Variants in RING1 observed in about 807,000 individuals in gnomAD.
RING1 encodes ring finger protein 1, also known as E3 ubiquitin-protein ligase RING1.
RING1 carries 8 observed loss-of-function variants against 35.0 expected under a neutral mutation model. That is an observed-to-expected ratio of 0.23 (90% confidence interval 0.13 to 0.41). The LOEUF (loss-of-function observed/expected upper bound fraction) is 0.41. Ranked by LOEUF, RING1 falls within the 10% of genes least tolerant of loss-of-function variation. The probability of loss-of-function intolerance (pLI) is 1.00; values close to 1 mark genes in which losing one functional copy is unlikely to be tolerated. For synonymous variants in RING1, 214 were observed against 224.3 expected (o/e 0.95, Z 0.41); for missense variants, 343 against 546.8 (o/e 0.63, Z 3.72).
intron 6 of RING1, 111 bp downstream of exon 6, chr6:33,212,113 CTCTA>C (rs2150708699): frequency 2.1e-6 from 2 of 936,208 alleles, no homozygotes; most frequent in African/African-American, 3.3e-5. Context: ...CCTATACATC[CTCTA>C]TCTCTTTCTA....
intron 6 of RING1, 143 bp from the exon 7 acceptor site, chr6:33,212,155 G>T: frequency 1.2e-6 from 1 of 861,714 alleles, no homozygotes; most frequent in Admixed American, 2.3e-5. Context: ...CATCATCCAT[G>T]TCCTTTTTTG....
At position 33,212,438 on chromosome 6, in the gene RING1, T is replaced by C; in HGVS notation, c.*39T>C. On this transcript the variant is annotated 3_prime_UTR_variant, in exon 7 of 7. Transcript: ENST00000374656. ...CAGCCAGAGGAAGGGGACCATGGGG[T>C]ATCCCTGTGTCCTGGTCTATCACCC... is the stretch of plus-strand genomic sequence containing the variant. The C allele has an allele frequency of 1.5e-6, 2 of 1,346,102 alleles. 1 individual carries two copies. Among genetic ancestry groups the C allele is most frequent in the Non-Finnish European group, 2.1e-6 (2 of 959,252 alleles). The allele number at this position is 1,346,102 out of a possible 1,614,324, so 83.4% of individuals were successfully genotyped here. A position where few individuals can be genotyped will look rare whatever the true frequency, so the allele number is the denominator to read the frequency against.
chr6:33,208,954 A>C lies in RING1; in HGVS notation c.78+54A>C. The stretch of plus-strand genomic sequence containing the variant: ...CCCCCTCCCCCAAACCCTTATATCC[A>C]CAGACCGCATCACACAGCTTCTTTT... On this transcript the variant is annotated intron_variant, in intron 2 of 6. Transcript: ENST00000374656. This position sits in a 1 kb window ranked among gnomAD's most constrained non-coding sequence, Gnocchi z 6.2. The C allele has an allele frequency of 7.2e-7, 1 of 1,394,204 alleles. No individual in the cohort carries two copies. The highest frequency in any genetic ancestry group is 1.0e-6 in the Non-Finnish European group (1 of 993,372). 86.4% of individuals were successfully genotyped at this position (1,394,204 alleles called of 1,614,324 possible).
At position 33,208,945 on chromosome 6, in the gene RING1, CT is replaced by C; in HGVS notation, c.78+47del. On this transcript the variant is annotated intron_variant, in intron 2 of 6. Transcript: ENST00000374656. This position sits in a 1 kb window ranked among gnomAD's most constrained non-coding sequence, Gnocchi z 6.2. ...TCAGGCTTACCCCCTCCCCCAAACC[CT>C]TATATCCACAGACCGCATCACACAG... 1 of 1,470,090 alleles carries C rather than the reference CT, an allele frequency of 6.8e-7. No homozygotes were observed. Among genetic ancestry groups the C allele is most frequent in the Admixed American group, 1.8e-5 (1 of 56,714 alleles). The allele number at this position is 1,470,090 out of a possible 1,614,324, so 91.1% of individuals were successfully genotyped here.
In RING1 at chr6:33,211,787, C is replaced by A; in HGVS notation, c.904C>A (p.Arg302Ser). ...CCACCTCTCCAAGTACTTGGCCCTG[C>A]GCATTGCCCTCGAGCGGAGGCAACA... Reference protein sequence around the residue: ...VDHLSKYLALRIALERRQQQE... With the variant: ...VDHLSKYLALSIALERRQQQE... Residue 302 changes from arginine to serine, a missense_variant, in exon 6 of 7, where the codon CGC (arginine) becomes AGC (serine). By Grantham distance (110) the Arg-to-Ser change is moderately radical (BLOSUM62 -1). Coordinates refer to ENST00000374656, the MANE Select transcript of RING1 (RefSeq NM_002931.4). This position sits in a 1 kb window ranked among gnomAD's most constrained non-coding sequence, Gnocchi z 6.3. The A allele has an allele frequency of 6.3e-7, 1 of 1,593,052 alleles. No individual in the cohort carries two copies.
At position 33,212,483 on chromosome 6, in the gene RING1, T is replaced by G; in HGVS notation, c.*84T>G. 1 of 870,832 alleles carries G rather than the reference T, an allele frequency of 1.1e-6. No homozygotes were observed. Among genetic ancestry groups the G allele is most frequent in the Non-Finnish European group, 1.9e-6 (1 of 537,676 alleles). The allele number at this position is 870,832 out of a possible 1,614,324, so 53.9% of individuals were successfully genotyped here. ...TCACCCCAGCTTCTTTGTCCCCCAG[T>G]ACCCCCAGCCCAGCCAGCCAATAAG... On this transcript the variant is annotated 3_prime_UTR_variant, in exon 7 of 7. Transcript: ENST00000374656.
chr6:33,208,952 C>A lies in RING1; in HGVS notation c.78+52C>A. On this transcript the variant is annotated intron_variant, in intron 2 of 6. Coordinates refer to ENST00000374656, the MANE Select transcript of RING1 (RefSeq NM_002931.4). The surrounding 1 kb of genome is among the most constrained non-coding windows in gnomAD (Gnocchi z 6.2). ...TACCCCCTCCCCCAAACCCTTATAT[C>A]CACAGACCGCATCACACAGCTTCTT... 1.4e-6 allele frequency: 2 copies of A among 1,408,750 alleles called. No homozygotes were observed. The highest frequency in any genetic ancestry group is 2.0e-6 in the Non-Finnish European group (2 of 1,006,194). 87.3% of individuals were successfully genotyped at this position (1,408,750 alleles called of 1,614,324 possible).
chr6:33,212,455 C>G lies in RING1; in HGVS notation c.*56C>G. 8.5e-7 allele frequency: 1 copy of G among 1,177,082 alleles called. No homozygotes were observed. The highest frequency in any genetic ancestry group is 1.2e-6 in the Non-Finnish European group (1 of 809,304). 72.9% of individuals were successfully genotyped at this position (1,177,082 alleles called of 1,614,324 possible). A position where few individuals can be genotyped will look rare whatever the true frequency, so the allele number is the denominator to read the frequency against. On this transcript the variant is annotated 3_prime_UTR_variant, in exon 7 of 7. Coordinates refer to ENST00000374656, the MANE Select transcript of RING1 (RefSeq NM_002931.4). ...CCATGGGGTATCCCTGTGTCCTGGT[C>G]TATCACCCCAGCTTCTTTGTCCCCC... is the stretch of plus-strand genomic sequence containing the variant.
rs1176362379 is a variant in RING1, at chr6:33,209,190, C to G, written c.78+290C>G. 1.1e-5 allele frequency: 7 copies of G among 645,250 alleles called. No homozygotes were observed. Among genetic ancestry groups the G allele is most frequent in the Non-Finnish European group, 2.0e-5 (7 of 351,332 alleles). The allele number at this position is 645,250 out of a possible 1,614,324, so 40.0% of individuals were successfully genotyped here. A position where few individuals can be genotyped will look rare whatever the true frequency, so the allele number is the denominator to read the frequency against. Reference sequence around the variant, plus strand: ...GTCATAAGTCAGTGCACATAAGACTCACTTTGGGAGTTTATTAAAAGCAGA... The same window carrying G: ...GTCATAAGTCAGTGCACATAAGACTGACTTTGGGAGTTTATTAAAAGCAGA... On this transcript the variant is annotated intron_variant, in intron 2 of 6. Coordinates refer to ENST00000374656, the MANE Select transcript of RING1 (RefSeq NM_002931.4). The surrounding 1 kb of genome is among the most constrained non-coding windows in gnomAD (Gnocchi z 5.1).
intron 4 of RING1, among the ~76,000 whole-genome samples, 176 bp downstream of exon 4, chr6:33,210,306 A>T (rs1477562146): frequency 6.6e-6 from 1 of 152,182 alleles, no homozygotes; most frequent in East Asian, 1.9e-4. Flanking sequence ...TGCTCTTCTT[A>T]AGAAAAATAT....
rs1172748528 is a variant in RING1 at position 33,212,479 on chromosome 6, C to T, written c.*80C>T. 3 of 886,288 alleles carry T rather than the reference C, an allele frequency of 3.4e-6. No homozygotes were observed. Among genetic ancestry groups the T allele is most frequent in the African/African-American group, 1.7e-5 (1 of 59,878 alleles). The allele number at this position is 886,288 out of a possible 1,614,324, so 54.9% of individuals were successfully genotyped here. ...TCTATCACCCCAGCTTCTTTGTCCC[C>T]CAGTACCCCCAGCCCAGCCAGCCAA... On this transcript the variant is annotated 3_prime_UTR_variant, in exon 7 of 7. Coordinates refer to ENST00000374656, the MANE Select transcript of RING1 (RefSeq NM_002931.4).
Position 33,208,571 on chromosome 6 carries a change from G to C in RING1, c.-132G>C. 2.1e-6 allele frequency: 1 copy of C among 470,974 alleles called. No homozygotes were observed. Among genetic ancestry groups the C allele is most frequent in the South Asian group, 4.1e-5 (1 of 24,244 alleles). 29.2% of individuals were successfully genotyped at this position (470,974 alleles called of 1,614,324 possible). ...GCTGTCTGAGCAGCGGTTGCGGACCGAGCGAACTTGGCCCAGGAGCCCGGG... is the reference window on the plus strand; with the variant it reads ...GCTGTCTGAGCAGCGGTTGCGGACCCAGCGAACTTGGCCCAGGAGCCCGGG... On this transcript the variant is annotated 5_prime_UTR_variant, in exon 1 of 7. Coordinates refer to ENST00000374656, the MANE Select transcript of RING1 (RefSeq NM_002931.4). The surrounding 1 kb of genome is among the most constrained non-coding windows in gnomAD (Gnocchi z 6.2).
Position 33,208,793 on chromosome 6 carries a change from G to T in RING1, c.-30G>T, listed in dbSNP as rs759607187. 5.7e-6 allele frequency: 9 copies of T among 1,574,080 alleles called. 1 individual carries two copies. In the East Asian group the frequency reaches 9.1e-5, roughly 16 times the overall value. ...TCTTCGCCTTCTCCTCGGCTGTGGA[G>T]CCCTGGTGGGGGGTCTGCGCCCGGT... On this transcript the variant is annotated 5_prime_UTR_variant, in exon 2 of 7. Coordinates refer to ENST00000374656, the MANE Select transcript of RING1 (RefSeq NM_002931.4). This position sits in a 1 kb window ranked among gnomAD's most constrained non-coding sequence, Gnocchi z 6.2.
In RING1 at chr6:33,211,846, G is replaced by A. The variant is rs772002768; in HGVS notation, c.963G>A (p.Gly321=). Residue 321 remains glycine, a synonymous_variant, in exon 6 of 7, where the codon GGG becomes GGA. Coordinates refer to ENST00000374656, the MANE Select transcript of RING1 (RefSeq NM_002931.4). This position sits in a 1 kb window ranked among gnomAD's most constrained non-coding sequence, Gnocchi z 6.3. ...CAGGGGAGCCAGGAGGGCCTGGAGG[G>A]GGCGCCTCTGACACCGGAGGACCTG... ...QEAGEPGGPG[G]GASDTGGPDG... is the part of the protein sequence containing the mutation. 3.1e-6 allele frequency: 5 copies of A among 1,612,676 alleles called. No homozygotes were observed. The South Asian group carries it at 3.3e-5, about 11-fold the overall frequency.
chr6:33,209,445 C>A lies in RING1; in HGVS notation c.79-181C>A. 1.6e-6 allele frequency: 1 copy of A among 626,224 alleles called. No homozygotes were observed. Among genetic ancestry groups the A allele is most frequent in the Non-Finnish European group, 2.8e-6 (1 of 361,500 alleles). 38.8% of individuals were successfully genotyped at this position (626,224 alleles called of 1,614,324 possible). A position where few individuals can be genotyped will look rare whatever the true frequency, so the allele number is the denominator to read the frequency against. On this transcript the variant is annotated intron_variant, in intron 2 of 6. Transcript: ENST00000374656. This position sits in a 1 kb window ranked among gnomAD's most constrained non-coding sequence, Gnocchi z 5.1. ...ACTCTTAGTTAATGGACACTAAAGT[C>A]TGTCTTTTCTCCATTTGCTCCAAGT... is the stretch of plus-strand genomic sequence containing the variant.
Position 33,209,809 on chromosome 6 carries a change from G to A in RING1, c.239+23G>A, listed in dbSNP as rs1285714761. The A allele has an allele frequency of 6.2e-7, 1 of 1,613,128 alleles. No individual in the cohort carries two copies. The highest frequency in any genetic ancestry group is 1.7e-5 in the Admixed American group (1 of 59,992). ...CGGGTAATAGGAGAGACATGTTTGA[G>A]ATGAGATGAAGGGGTACAAAGTTAG... On this transcript the variant is annotated intron_variant, in intron 3 of 6. Transcript: ENST00000374656. This position sits in a 1 kb window ranked among gnomAD's most constrained non-coding sequence, Gnocchi z 5.1.
In RING1 at chr6:33,210,071, C is replaced by T. The variant is rs547927195; in HGVS notation, c.396C>T (p.His132=). The T allele has an allele frequency of 6.8e-6, 11 of 1,614,228 alleles. No individual in the cohort carries two copies. Among genetic ancestry groups the T allele is most frequent in the Non-Finnish European group, 9.3e-6 (11 of 1,180,046 alleles). ...TGCTTATCCGCCTGAGCCGCCTGCACAACCAGCAGGCATTGAGCTCCAGCA... is the reference window on the plus strand; with the variant it reads ...TGCTTATCCGCCTGAGCCGCCTGCATAACCAGCAGGCATTGAGCTCCAGCA... ...DRVLIRLSRL[H]NQQALSSSIE... Residue 132 remains histidine, a synonymous_variant, in exon 4 of 7, where the codon CAC becomes CAT. Transcript: ENST00000374656.
In RING1 at chr6:33,209,104, T is replaced by A; in HGVS notation, c.78+204T>A. On this transcript the variant is annotated intron_variant, in intron 2 of 6. Transcript: ENST00000374656. This position sits in a 1 kb window ranked among gnomAD's most constrained non-coding sequence, Gnocchi z 5.1. ...CCCTGCCAGAGAGGTGGAACAAGTA[T>A]TATTATCTTCATTTGAAAGATCACA... is the stretch of plus-strand genomic sequence containing the variant. The A allele has an allele frequency of 1.4e-6, 1 of 702,900 alleles. No homozygotes were observed. Among genetic ancestry groups the A allele is most frequent in the South Asian group, 1.5e-5 (1 of 66,782 alleles). 43.5% of individuals were successfully genotyped at this position (702,900 alleles called of 1,614,324 possible). A position where few individuals can be genotyped will look rare whatever the true frequency, so the allele number is the denominator to read the frequency against.
chr6:33,210,717 T>A (rs1265595506), intron 4 of RING1, among the ~76,000 whole-genome samples: 1 of 152,210 alleles, frequency 6.6e-6, no homozygotes, highest in Non-Finnish European at 1.5e-5. Flanking sequence ...TGCTGGAAGT[T>A]AAATCACCTC....
Sources: allele counts gnomAD v4.1 joint callset (sites outside exome capture counted in the v4.1 genomes callset), GRCh38; gene constraint gnomAD v4.1.1; non-coding constraint Gnocchi (gnomAD v3.1); transcripts MANE v1.5; gene names NCBI Gene and HGNC (gene_info 2026-07-23, HGNC 2026-07-21).